Variants in ATP8B3 observed in about 807,000 individuals in gnomAD.
ATP8B3 encodes the protein ATPase phospholipid transporting 8B3.
ATP8B3 carries 141 observed loss-of-function variants against 140.9 expected under a neutral mutation model. The observed-to-expected ratio is 1.00, with a 90% CI of 0.87 to 1.15. ATP8B3 has a LOEUF of 1.15. ATP8B3 is among the 50% of genes most tolerant of loss of function. ATP8B3 has a pLI of 0.00. For missense variants in ATP8B3, 1,874 were observed against 1,740.6 expected (o/e 1.08, Z -1.36); for synonymous variants, 765 against 714.6 (o/e 1.07, Z -1.13).
intron 14 of ATP8B3, among the ~76,000 whole-genome samples, chr19:1,798,386 G>A (rs2068743778): frequency 6.6e-6 from 1 of 151,970 alleles, no homozygotes. Context: ...CGGCCTGCGA[G>A]CTAAGAATTG....
chr19:1,811,880 T>G lies in ATP8B3; in HGVS notation c.-144A>C. 1.1e-6 allele frequency: 1 copy of G among 915,942 alleles called. No homozygotes were observed. The highest frequency in any genetic ancestry group is 2.7e-5 in the East Asian group (1 of 36,588). 56.7% of individuals were successfully genotyped at this position (915,942 alleles called of 1,614,324 possible). ...TCAAATGGCCAGAATCCACTCGAAG[T>G]GTATCTGGGGGCAGAAAGAGACACG... On this transcript the variant is annotated 5_prime_UTR_variant, in exon 2 of 29. Transcript: ENST00000310127.
rs1013715379 is a variant in ATP8B3, at chr19:1,811,818, G to C, written c.-82C>G. 44 of 1,400,614 alleles carry C rather than the reference G, an allele frequency of 3.1e-5. No individual in the cohort carries two copies. The highest frequency in any genetic ancestry group is 4.7e-5 in the East Asian group (2 of 42,358). 86.8% of individuals were successfully genotyped at this position (1,400,614 alleles called of 1,614,324 possible). A position where few individuals can be genotyped will look rare whatever the true frequency, so the allele number is the denominator to read the frequency against. ...GGGGAGAGGTGGGGGAGACCCCCGT[G>C]GGGGCAGACTGGGGATTGGAGAGTT... On this transcript the variant is annotated 5_prime_UTR_variant, in exon 2 of 29. Coordinates refer to ENST00000310127, the MANE Select transcript of ATP8B3 (RefSeq NM_138813.4).
rs770149418 is a variant in ATP8B3, at chr19:1,802,687, C to A, written c.905-42G>T. 4.7e-5 allele frequency: 74 copies of A among 1,581,282 alleles called. 1 individual carries two copies. The highest frequency in any genetic ancestry group is 1.5e-5 in the Non-Finnish European group (17 of 1,165,090). ...GGTCAGTGGGTCAGTGGGCTCAGGC[C>A]CTCCTCCCCAGGTTCCCTGCACCGG... is the stretch of plus-strand genomic sequence containing the variant. On this transcript the variant is annotated intron_variant, in intron 10 of 28. Coordinates refer to ENST00000310127, the MANE Select transcript of ATP8B3 (RefSeq NM_138813.4).
At chr19:1,787,241 G>C (rs913211446) in intron 24 of ATP8B3, 55 bp from the exon 25 acceptor site, 1 of 1,480,206 alleles carries the variant, frequency 6.8e-7, no homozygotes, top group African/African-American at 1.4e-5. Context: ...CACCCAAGGA[G>C]CCTGCCAAGC....
At position 1,806,251 on chromosome 19, in the gene ATP8B3, G is replaced by C; in HGVS notation, c.678-82C>G. ...CGGGAGACCAGAGGCACGGGATGAC[G>C]GGGGGCCCGCAGCTGCAGTCCCCAC... is the stretch of plus-strand genomic sequence containing the variant. On this transcript the variant is annotated intron_variant, in intron 7 of 28. Coordinates refer to ENST00000310127, the MANE Select transcript of ATP8B3 (RefSeq NM_138813.4). The surrounding 1 kb of genome is among the most constrained non-coding windows in gnomAD (Gnocchi z 5.6). The C allele has an allele frequency of 5.2e-6, 8 of 1,531,584 alleles. No homozygotes were observed. The highest frequency in any genetic ancestry group is 2.5e-5 in the East Asian group (1 of 40,696). 94.9% of individuals were successfully genotyped at this position (1,531,584 alleles called of 1,614,324 possible). A position where few individuals can be genotyped will look rare whatever the true frequency, so the allele number is the denominator to read the frequency against.
chr19:1,803,583 G>T (rs7253430), intron 10 of ATP8B3, among the ~76,000 whole-genome samples: 38,685 of 152,122 alleles, frequency 0.25, 5,895 homozygotes, highest in African/African-American at 0.43. Flanking sequence ...CTGTCTATGA[G>T]TCTGTGTCCC....
At chr19:1,784,582 G>A (rs140210485) in intron 28 of ATP8B3, among the ~76,000 whole-genome samples, 2,409 of 152,240 alleles carry the variant, frequency 0.016, 56 homozygotes, top group African/African-American at 0.055. Flanking sequence ...AATCCAGGGC[G>A]GCGTTTGGGT....
rs923595841 is a variant in ATP8B3 at position 1,806,534 on chromosome 19, C to T, written c.677+94G>A. The T allele has an allele frequency of 1.0e-5, 16 of 1,527,910 alleles. No individual in the cohort carries two copies. The highest frequency in any genetic ancestry group is 1.4e-5 in the Non-Finnish European group (16 of 1,138,770). The allele number at this position is 1,527,910 out of a possible 1,614,324, so 94.6% of individuals were successfully genotyped here. On this transcript the variant is annotated intron_variant, in intron 7 of 28. Coordinates refer to ENST00000310127, the MANE Select transcript of ATP8B3 (RefSeq NM_138813.4). The surrounding 1 kb of genome is among the most constrained non-coding windows in gnomAD (Gnocchi z 5.6). ...CTCAACCAGCCGGGAGATCAGGGAGCACGGAAGGTGATGGACACTTGCCGA... is the reference window on the plus strand; with the variant it reads ...CTCAACCAGCCGGGAGATCAGGGAGTACGGAAGGTGATGGACACTTGCCGA...
intron 28 of ATP8B3, 36 bp downstream of exon 28, chr19:1,784,783 T>C (rs1422911460): frequency 1.9e-6 from 3 of 1,562,800 alleles, no homozygotes; most frequent in South Asian, 1.2e-5. Context: ...TCCTGGAATG[T>C]ACCAGATGAG....
chr19:1,806,029 A>G lies in ATP8B3; in HGVS notation c.750+68T>C. On this transcript the variant is annotated intron_variant, in intron 8 of 28. Coordinates refer to ENST00000310127, the MANE Select transcript of ATP8B3 (RefSeq NM_138813.4). The surrounding 1 kb of genome is among the most constrained non-coding windows in gnomAD (Gnocchi z 5.6). ...AATTGGGGGTGCGGCAGCCCTCCCC[A>G]CCCTGGGAGGGGTGCTCTCGGTGAG... 1.3e-6 allele frequency: 2 copies of G among 1,598,044 alleles called. No homozygotes were observed. Among genetic ancestry groups the G allele is most frequent in the Non-Finnish European group, 1.7e-6 (2 of 1,173,002 alleles).
Position 1,806,804 on chromosome 19 carries a change from TG to T in ATP8B3, c.616-116del, listed in dbSNP as rs2069037399. ...CCCGCAACACGGGGTCCCTGTCCGC[TG>T]GCCCCACGCCACGTTGCGTCTGCTC... is the stretch of plus-strand genomic sequence containing the variant. On this transcript the variant is annotated intron_variant, in intron 6 of 28. Transcript: ENST00000310127. This position sits in a 1 kb window ranked among gnomAD's most constrained non-coding sequence, Gnocchi z 5.6. The T allele has an allele frequency of 5.1e-6, 6 of 1,176,462 alleles. No homozygotes were observed. Among genetic ancestry groups the T allele is most frequent in the Non-Finnish European group, 7.3e-6 (6 of 817,242 alleles). The allele number at this position is 1,176,462 out of a possible 1,614,324, so 72.9% of individuals were successfully genotyped here. A position where few individuals can be genotyped will look rare whatever the true frequency, so the allele number is the denominator to read the frequency against.
At chr19:1,799,918 A>G in intron 14 of ATP8B3, 29 bp downstream of exon 14, 3 of 1,563,474 alleles carry the variant, frequency 1.9e-6, no homozygotes, top group Non-Finnish European at 2.6e-6. Context: ...TCGAGGACCC[A>G]GCTGGGAGCT....
chr19:1,807,193 G>A lies in ATP8B3; in HGVS notation c.590C>T (p.Ala197Val). 1 of 1,612,808 alleles carries A rather than the reference G, an allele frequency of 6.2e-7. No individual in the cohort carries two copies. Among genetic ancestry groups the A allele is most frequent in the Non-Finnish European group, 8.5e-7 (1 of 1,179,632 alleles). The change falls in exon 6 of 29, where the codon GCC becomes GTC. Residue 197 changes from alanine to valine, a missense_variant. Coordinates refer to ENST00000310127, the MANE Select transcript of ATP8B3 (RefSeq NM_138813.4). This position sits in a 1 kb window ranked among gnomAD's most constrained non-coding sequence, Gnocchi z 5.9. The stretch of plus-strand genomic sequence containing the variant: ...CATGTCGTCCACCAGGTCCCGGGTG[G>A]CACGGATGAAGAGGAGGCAGACCAT... ...TPMVCLLFIR[A>V]TRDLVDDMGR...
intron 2 of ATP8B3, among the ~76,000 whole-genome samples, chr19:1,810,943 T>C (rs1460789041): frequency 6.6e-6 from 1 of 152,134 alleles, no homozygotes; most frequent in East Asian, 1.9e-4. Context: ...CCAGCCACCC[T>C]GGTCGCCTCC....
At position 1,811,661 on chromosome 19, in the gene ATP8B3, C is replaced by T. The variant is rs1195683016; in HGVS notation, c.76G>A (p.Gly26Arg). 1.2e-6 allele frequency: 2 copies of T among 1,610,504 alleles called. No homozygotes were observed. The highest frequency in any genetic ancestry group is 1.7e-6 in the Non-Finnish European group (2 of 1,179,732). ...PEPSPAPPGP[G>R]DTGDSDVTQE... ...GTCACGTCTGAGTCACCCGTGTCCC[C>T]AGGTCCTGGTGGGGCAGGGCTTGGC... The change falls in exon 2 of 29, where the codon GGG becomes AGG. Residue 26 changes from glycine (G) to arginine (R), a missense_variant. By Grantham distance (125) the Gly-to-Arg change is moderately radical (BLOSUM62 -2). Coordinates refer to ENST00000310127, the MANE Select transcript of ATP8B3 (RefSeq NM_138813.4).
chr19:1,793,764 A>G (rs2068587020), intron 18 of ATP8B3, among the ~76,000 whole-genome samples: 1 of 152,014 alleles, frequency 6.6e-6, no homozygotes. Flanking sequence ...ATTTTTTGAG[A>G]TGGAGTCTCA....
At position 1,805,511 on chromosome 19, in the gene ATP8B3, G is replaced by T; in HGVS notation, c.822-55C>A. ...GTGGAGTTGATGGATGCTTCGAGGA[G>T]CCCCCAGACCCCTTCTGGAGTCACT... On this transcript the variant is annotated intron_variant, in intron 9 of 28. Transcript: ENST00000310127. The surrounding 1 kb of genome is among the most constrained non-coding windows in gnomAD (Gnocchi z 5.2). The T allele has an allele frequency of 1.4e-6, 2 of 1,410,778 alleles. No homozygotes were observed. Among genetic ancestry groups the T allele is most frequent in the South Asian group, 1.2e-5 (1 of 81,376 alleles). 87.4% of individuals were successfully genotyped at this position (1,410,778 alleles called of 1,614,324 possible). A position where few individuals can be genotyped will look rare whatever the true frequency, so the allele number is the denominator to read the frequency against.
Position 1,806,162 on chromosome 19 carries a change from G to A in ATP8B3, c.685C>T (p.Gln229Ter). ...ACGCACAGATCCTGCCATTTCTTCT[G>A]CTTGAAGCTGCGGGGAGAGGGGGTT... ...CQILMGKSFK[Q>*]KKWQDLCVGD... Residue 229 changes from glutamine to a stop codon, truncating the protein, a stop_gained, in exon 8 of 29, where the codon CAG (glutamine) becomes TAG (stop). Coordinates refer to ENST00000310127, the MANE Select transcript of ATP8B3 (RefSeq NM_138813.4). LOFTEE classifies it high-confidence loss of function. The surrounding 1 kb of genome is among the most constrained non-coding windows in gnomAD (Gnocchi z 5.6). 6.3e-7 allele frequency: 1 copy of A among 1,593,024 alleles called. No homozygotes were observed. The highest frequency in any genetic ancestry group is 2.3e-5 in the East Asian group (1 of 43,758).
Position 1,806,625 on chromosome 19 carries a change from C to T in ATP8B3, c.677+3G>A, listed in dbSNP as rs754977865. The T allele has an allele frequency of 1.3e-6, 2 of 1,556,984 alleles. No homozygotes were observed. The highest frequency in any genetic ancestry group is 1.7e-6 in the Non-Finnish European group (2 of 1,150,506). ...GGATCCCCAGCTGCAGCCCCAGCCT[C>T]ACCTCTTCCCCATCAGAATCTGGCA... is the stretch of plus-strand genomic sequence containing the variant. On this transcript the variant is annotated splice_donor_region_variant and intron_variant, in intron 7 of 28. Transcript: ENST00000310127. This position sits in a 1 kb window ranked among gnomAD's most constrained non-coding sequence, Gnocchi z 5.6.
Sources: gnomAD v4.1 joint callset for allele counts (sites outside exome capture counted in the v4.1 genomes callset) on GRCh38, gnomAD v4.1.1 for gene constraint, Gnocchi (gnomAD v3.1) non-coding constraint, MANE v1.5 for transcripts, NCBI Gene and HGNC (gene_info 2026-07-23, HGNC 2026-07-21) for gene names.